MARCHF1: variants seen among roughly 807,000 people sequenced by gnomAD.
MARCHF1 encodes the protein membrane associated ring-CH-type finger 1.
MARCHF1 carries 40 observed loss-of-function variants against 54.2 expected under a neutral mutation model. The ratio of observed to expected loss-of-function variants is 0.74; its 90% CI spans 0.57 to 0.96. The LOEUF (loss-of-function observed/expected upper bound fraction) is 0.96, where lower values mean the gene tolerates loss of function less well. MARCHF1 is among the 40% of genes least tolerant of loss of function. The pLI is 0.00. For missense variants in MARCHF1, 586 were observed against 656.5 expected, an observed-to-expected ratio of 0.89 and a Z score of 1.17; for synonymous variants, 236 against 236.3, an observed-to-expected ratio of 1.00 and a Z score of 0.01.
chr4:164,238,128 T>A (rs530764386), intron 1 of MARCHF1, among the ~76,000 whole-genome samples: 17 of 152,222 alleles, frequency 1.1e-4, no homozygotes, highest in African/African-American at 4.1e-4. Flanking sequence ...TTAAATTATG[T>A]AAACACTGGT....
intron 1 of MARCHF1, among the ~76,000 whole-genome samples, chr4:164,301,633 A>C (rs1287719131): frequency 6.6e-6 from 1 of 152,196 alleles, no homozygotes; most frequent in African/African-American, 2.4e-5. Flanking sequence ...TGAGTCAATA[A>C]AAAAGGCCAA....
At chr4:164,374,302 A>T (rs1157072353) in intron 1 of MARCHF1, among the ~76,000 whole-genome samples, 1 of 152,134 alleles carries the variant, frequency 6.6e-6, no homozygotes, top group Non-Finnish European at 1.5e-5. Flanking sequence ...TTATTAATTT[A>T]AATTGTTATT....
intron 3 of MARCHF1, among the ~76,000 whole-genome samples, chr4:163,934,433 T>A (rs922261486): frequency 6.6e-6 from 1 of 151,342 alleles, no homozygotes; most frequent in African/African-American, 2.4e-5. Flanking sequence ...GTGGTATGCA[T>A]CTGTAGTCCC....
At chr4:164,149,256 G>A (rs1454212187) in intron 1 of MARCHF1, among the ~76,000 whole-genome samples, 3 of 152,016 alleles carry the variant, frequency 2.0e-5, no homozygotes, top group African/African-American at 7.2e-5. Context: ...AACCTCTTTG[G>A]GTTACTCAGT....
At chr4:164,165,391 T>C (rs1334763764) in intron 1 of MARCHF1, among the ~76,000 whole-genome samples, 1 of 151,792 alleles carries the variant, frequency 6.6e-6, no homozygotes, top group Non-Finnish European at 1.5e-5. Context: ...TCTGCCTCTG[T>C]CTCTGTCTCT....
chr4:163,542,038 C>T (rs1257891154), intron 9 of MARCHF1, among the ~76,000 whole-genome samples: 2 of 152,216 alleles, frequency 1.3e-5, no homozygotes, highest in South Asian at 2.1e-4. Flanking sequence ...GGAATTACCA[C>T]GGACACTGCT....
In MARCHF1 at chr4:163,986,246, C is replaced by CTTTTTTTTTTTTTTTTT. The variant is rs1752861022; in HGVS notation, c.-39+2254_-39+2255insAAAAAAAAAAAAAAAAA. On this transcript the variant is annotated intron_variant, in intron 3 of 9. Transcript: ENST00000514618. ...CCTTTCCTTTTCTCCTAATTAACCTCTTCTTTTTTTTTTTTTTTTTTTTTT... is the reference window on the plus strand; with the variant it reads ...CCTTTCCTTTTCTCCTAATTAACCTCTTTTTTTTTTTTTTTTTTTCTTTTTTTTTTTTTTTTTTTTTT... Among the ~76,000 whole-genome samples, 42 of 73,772 alleles carry CTTTTTTTTTTTTTTTTT rather than the reference C, an allele frequency of 5.7e-4. 4 individuals carry two copies. Among genetic ancestry groups the CTTTTTTTTTTTTTTTTT allele is most frequent in the Admixed American group, 7.7e-4 (4 of 5,166 alleles). 48.4% of individuals were successfully genotyped at this position (73,772 alleles called of 152,430 possible). A position where few individuals can be genotyped will look rare whatever the true frequency, so the allele number is the denominator to read the frequency against.
chr4:163,814,460 C>T (rs1038450830), intron 4 of MARCHF1, among the ~76,000 whole-genome samples: 1 of 152,008 alleles, frequency 6.6e-6, no homozygotes, highest in East Asian at 1.9e-4. Flanking sequence ...GGCGCATGCC[C>T]GTAATCCCAG....
chr4:164,318,152 T>A (rs190493459), intron 1 of MARCHF1, among the ~76,000 whole-genome samples: 1 of 152,186 alleles, frequency 6.6e-6, no homozygotes, highest in Non-Finnish European at 1.5e-5. Context: ...AAGGATTACA[T>A]GAATTGATAG....
At chr4:164,024,943 A>G (rs1025427338) in intron 2 of MARCHF1, among the ~76,000 whole-genome samples, 1 of 151,882 alleles carries the variant, frequency 6.6e-6, no homozygotes, top group Non-Finnish European at 1.5e-5. Context: ...CTATTCTTAT[A>G]TCGGATAGAA....
intron 2 of MARCHF1, among the ~76,000 whole-genome samples, chr4:164,094,124 T>A (rs1226611715): frequency 6.6e-6 from 1 of 152,132 alleles, no homozygotes; most frequent in African/African-American, 2.4e-5. Flanking sequence ...GTCTTCTGTC[T>A]GCTGTGCAGG....
chr4:164,240,673 C>A (rs1018088831), intron 1 of MARCHF1, among the ~76,000 whole-genome samples: 1 of 152,142 alleles, frequency 6.6e-6, no homozygotes, highest in African/African-American at 2.4e-5. Flanking sequence ...CTGACTCCAT[C>A]TTGCTTCTAA....
intron 2 of MARCHF1, among the ~76,000 whole-genome samples, chr4:164,107,738 A>C (rs1436254684): frequency 6.6e-6 from 1 of 152,160 alleles, no homozygotes; most frequent in Non-Finnish European, 1.5e-5. Flanking sequence ...CTTTTAGATA[A>C]TCTAGAAGTG....
intron 1 of MARCHF1, among the ~76,000 whole-genome samples, chr4:164,130,296 T>C (rs1411072269): frequency 6.6e-6 from 1 of 152,120 alleles, no homozygotes; most frequent in East Asian, 1.9e-4. Context: ...GCTTTGAAAA[T>C]GGTTTTAAAA....
chr4:163,954,266 GAA>G (rs1293623280), intron 3 of MARCHF1, among the ~76,000 whole-genome samples: 1 of 152,056 alleles, frequency 6.6e-6, no homozygotes, highest in African/African-American at 2.4e-5. Flanking sequence ...TTCAGAGTTT[GAA>G]AAAGTCATGT....
intron 7 of MARCHF1, among the ~76,000 whole-genome samples, chr4:163,593,792 G>T (rs1272535088): frequency 1.3e-5 from 2 of 152,120 alleles, no homozygotes; most frequent in African/African-American, 2.4e-5. Context: ...TTCTACAAAG[G>T]CAAGTAAGTA....
intron 4 of MARCHF1, among the ~76,000 whole-genome samples, chr4:163,781,696 C>A (rs112960533): frequency 2.1e-4 from 32 of 152,220 alleles, no homozygotes; most frequent in Admixed American, 6.5e-4. Flanking sequence ...TCCTGCAGAT[C>A]ATTTTGTAAA....
At chr4:163,573,693 T>C (rs1739928507) in intron 8 of MARCHF1, among the ~76,000 whole-genome samples, 1 of 151,966 alleles carries the variant, frequency 6.6e-6, no homozygotes, top group Non-Finnish European at 1.5e-5. Context: ...GTGCCACATT[T>C]TCTTAATCCA....
intron 5 of MARCHF1, among the ~76,000 whole-genome samples, chr4:163,629,111 G>A (rs1463695175): frequency 6.6e-6 from 1 of 152,098 alleles, no homozygotes; most frequent in Non-Finnish European, 1.5e-5. Context: ...ACAATCCTAA[G>A]CAAAAGAACA....
Sources: gnomAD v4.1 joint callset for allele counts (sites outside exome capture counted in the v4.1 genomes callset) on GRCh38, gnomAD v4.1.1 for gene constraint, MANE v1.5 for transcripts, NCBI Gene and HGNC (gene_info 2026-07-23, HGNC 2026-07-21) for gene names.